SLIT2: variants seen among roughly 807,000 people sequenced by gnomAD.
The protein encoded by SLIT2 is slit homolog 2 protein.
SLIT2 carries 41 observed loss-of-function variants against 185.7 expected under a neutral mutation model. The observed-to-expected ratio is 0.22, with a 90% confidence interval of 0.17 to 0.29. The LOEUF (loss-of-function observed/expected upper bound fraction) is 0.29. Ranked by LOEUF, SLIT2 falls within the 10% of genes least tolerant of loss-of-function variation. SLIT2 has a pLI of 1.00. For synonymous variants in SLIT2, 693 were observed against 680.2 expected (o/e 1.02, Z -0.29); for missense variants, 1,571 against 1,909.0 (o/e 0.82, Z 3.30).
At chr4:20,409,415 G>T (rs899808394) in intron 4 of SLIT2, among the ~76,000 whole-genome samples, 3 of 152,278 alleles carry the variant, frequency 2.0e-5, no homozygotes, top group Non-Finnish European at 4.4e-5. Flanking sequence ...TCCCTTTTAT[G>T]ACTGCATAGT....
intron 9 of SLIT2, among the ~76,000 whole-genome samples, chr4:20,507,187 C>A (rs1005698097): frequency 1.3e-5 from 2 of 151,830 alleles, no homozygotes; most frequent in Non-Finnish European, 2.9e-5. Context: ...TGTTTTATAA[C>A]TTTCTGAGTA....
In SLIT2 at chr4:20,417,522, G is replaced by GTA. The variant is rs528543015; in HGVS notation, c.396-50218_396-50217dup. On this transcript the variant is annotated intron_variant, in intron 4 of 36. Coordinates refer to ENST00000504154, the MANE Select transcript of SLIT2 (RefSeq NM_004787.4). The stretch of plus-strand genomic sequence containing the variant: ...TATACATATATAGATATGTGTGTGT[G>GTA]TATATATATATATGTATATATATAG... Among the ~76,000 whole-genome samples, 751 of 146,856 alleles carry GTA rather than the reference G, an allele frequency of 5.1e-3. 4 individuals carry two copies. The highest frequency in any genetic ancestry group is 6.0e-3 in the Admixed American group (87 of 14,430).
intron 4 of SLIT2, among the ~76,000 whole-genome samples, chr4:20,281,113 G>A (rs191168937): frequency 6.6e-6 from 1 of 152,082 alleles, no homozygotes; most frequent in Non-Finnish European, 1.5e-5. Context: ...GATTACAGGC[G>A]TGAGCCACTG....
chr4:20,294,061 A>G (rs1716231708), intron 4 of SLIT2, among the ~76,000 whole-genome samples: 1 of 151,994 alleles, frequency 6.6e-6, no homozygotes, highest in Non-Finnish European at 1.5e-5. Flanking sequence ...AAGTACCCAC[A>G]TATTGTCTGG....
chr4:20,352,696 G>A (rs1301393071), intron 4 of SLIT2, among the ~76,000 whole-genome samples: 2 of 152,086 alleles, frequency 1.3e-5, no homozygotes, highest in Non-Finnish European at 2.9e-5. Flanking sequence ...GGCAGATCAC[G>A]AGGTCAGGAG....
intron 4 of SLIT2, among the ~76,000 whole-genome samples, chr4:20,447,179 A>C (rs1161801733): frequency 2.0e-5 from 3 of 152,206 alleles, no homozygotes; most frequent in Non-Finnish European, 4.4e-5. Flanking sequence ...TAAGATTCTG[A>C]CTTCCTCAGG....
chr4:20,554,389 C>T (rs1043845451), intron 26 of SLIT2: 12 of 456,926 alleles, frequency 2.6e-5, no homozygotes, highest in East Asian at 6.9e-5. Flanking sequence ...CCTTCTGACT[C>T]GCCTTATGTG....
intron 9 of SLIT2, among the ~76,000 whole-genome samples, chr4:20,500,334 T>C (rs1718615846): frequency 6.6e-6 from 1 of 152,232 alleles, no homozygotes; most frequent in Non-Finnish European, 1.5e-5. Context: ...AATTCTACTT[T>C]AGTTCATAAT....
At chr4:20,442,105 G>T (rs1729797575) in intron 4 of SLIT2, among the ~76,000 whole-genome samples, 1 of 152,102 alleles carries the variant, frequency 6.6e-6, no homozygotes, top group Non-Finnish European at 1.5e-5. Flanking sequence ...GGGTTCAAAT[G>T]AGATCTTGGT....
At chr4:20,472,310 A>ATATC (rs1715244976) in intron 5 of SLIT2, among the ~76,000 whole-genome samples, 1 of 34,674 alleles carries the variant, frequency 2.9e-5, no homozygotes, top group Non-Finnish European at 4.6e-5. Flanking sequence ...ATAGATCTAT[A>ATATC]TATAGATATA....
rs894302978 is a variant in SLIT2 at position 20,466,390 on chromosome 4, A to G, written c.396-1362A>G. 2.1e-4 allele frequency among the ~76,000 whole-genome samples: 32 copies of G among 152,200 alleles called. 1 individual carries two copies. Among genetic ancestry groups the G allele is most frequent in the Non-Finnish European group, 1.0e-4 (7 of 68,032 alleles). ...CACACTACATCACTAAGGAAGTGGA[A>G]GGCTGCCTTAACTCCTACATAAGCA... is the stretch of plus-strand genomic sequence containing the variant. On this transcript the variant is annotated intron_variant, in intron 4 of 36. Coordinates refer to ENST00000504154, the MANE Select transcript of SLIT2 (RefSeq NM_004787.4).
intron 5 of SLIT2, among the ~76,000 whole-genome samples, chr4:20,472,249 T>TATATCG: frequency 8.2e-5 from 3 of 36,532 alleles, no homozygotes; most frequent in Non-Finnish European, 9.6e-5. Flanking sequence ...TATATATCTA[T>TATATCG]ATATAGATCT....
intron 4 of SLIT2, among the ~76,000 whole-genome samples, chr4:20,393,975 G>C (rs541268245): frequency 4.9e-4 from 75 of 152,132 alleles, no homozygotes; most frequent in African/African-American, 1.8e-3. Flanking sequence ...GGATCTGTAT[G>C]CAGATTGTCT....
chr4:20,601,005 A>C (rs1043509837), intron 33 of SLIT2, among the ~76,000 whole-genome samples: 2 of 152,066 alleles, frequency 1.3e-5, no homozygotes, highest in Non-Finnish European at 2.9e-5. Context: ...GAAGGAAGAC[A>C]GGAAGGAAAT....
rs1553898364 is a variant in SLIT2, at chr4:20,417,436, G to GTGTATA, written c.396-50315_396-50314insGTATAT. On this transcript the variant is annotated intron_variant, in intron 4 of 36. Coordinates refer to ENST00000504154, the MANE Select transcript of SLIT2 (RefSeq NM_004787.4). ...CGCAATCATATATATATGTGTGTGT[G>GTGTATA]TATATATATATATATATATATACGT... Among the ~76,000 whole-genome samples, 179 of 123,654 alleles carry GTGTATA rather than the reference G, an allele frequency of 1.4e-3. 1 individual carries two copies. The Middle Eastern group carries it at 0.02, about 14-fold the overall frequency. The allele number at this position is 123,654 out of a possible 152,430, so 81.1% of individuals were successfully genotyped here. A position where few individuals can be genotyped will look rare whatever the true frequency, so the allele number is the denominator to read the frequency against.
intron 4 of SLIT2, among the ~76,000 whole-genome samples, chr4:20,407,676 C>T (rs1461995734): frequency 6.6e-6 from 1 of 152,142 alleles, no homozygotes; most frequent in Non-Finnish European, 1.5e-5. Flanking sequence ...AATGTGAAAT[C>T]TCTGTTTGCC....
chr4:20,320,822 A>G (rs1484617193), intron 4 of SLIT2, among the ~76,000 whole-genome samples: 1 of 152,126 alleles, frequency 6.6e-6, no homozygotes, highest in Non-Finnish European at 1.5e-5. Context: ...ACTCTGTGCT[A>G]GAAAGGTTCA....
At chr4:20,598,226 C>T (rs776390895) in intron 32 of SLIT2, 39 bp from the exon 33 acceptor site, 14 of 1,604,872 alleles carry the variant, frequency 8.7e-6, no homozygotes, top group South Asian at 7.8e-5. Context: ...CGTTTGGTTG[C>T]GTACACATCC....
In SLIT2 at chr4:20,567,324, G is replaced by T. The variant is rs769407356; in HGVS notation, c.2788G>T (p.Asp930Tyr). ...NPCLSNPCKN[D>Y]GTCNSDPVDF... is the part of the protein sequence containing the mutation. ...CTGCCTATCAAATCCGTGTAAAAAT[G>T]ATGGCACATGTAATAGTGATCCAGT... The change falls in exon 27 of 37, where the codon GAT becomes TAT. Residue 930 changes from aspartate (D) to tyrosine (Y), a missense_variant. By Grantham distance (160) the Asp-to-Tyr change is radical (BLOSUM62 -3). This residue lies in a region of SLIT2 where 1,202 missense variants were observed against 1,416.4 expected (regional missense o/e 0.85). Coordinates refer to ENST00000504154, the MANE Select transcript of SLIT2 (RefSeq NM_004787.4). The T allele has an allele frequency of 1.7e-5, 28 of 1,612,912 alleles. No homozygotes were observed. Among genetic ancestry groups the T allele is most frequent in the Non-Finnish European group, 2.4e-5 (28 of 1,179,172 alleles).
Sources: allele counts gnomAD v4.1 joint callset (sites outside exome capture counted in the v4.1 genomes callset), GRCh38; gene constraint gnomAD v4.1.1; regional missense constraint gnomAD v4.1.1; transcripts MANE v1.5; gene names NCBI Gene and HGNC (gene_info 2026-07-23, HGNC 2026-07-21).